The following IP6K1 variants were observed in gnomAD, a reference collection of about 807,000 sequenced individuals.
IP6K1 encodes the protein ATP:1D-myo-inositol-hexakisphosphate phosphotransferase.
In IP6K1, 13 loss-of-function variants were observed where a neutral mutation model predicts 38.3. The ratio of observed to expected loss-of-function variants is 0.34; its 90% CI spans 0.22 to 0.54. The LOEUF is 0.54. Ranked by LOEUF, IP6K1 falls within the 20% of genes least tolerant of loss-of-function variation. The pLI, the probability that IP6K1 is intolerant of heterozygous loss-of-function variation, is 0.92. For missense variants in IP6K1, 397 were observed against 599.8 expected (o/e 0.66, Z 3.53); for synonymous variants, 212 against 229.9 (o/e 0.92, Z 0.70).
intron 1 of IP6K1, among the ~76,000 whole-genome samples, chr3:49,766,129 T>C (rs551376145): frequency 8.6e-5 from 13 of 151,702 alleles, no homozygotes; most frequent in East Asian, 2.0e-4. Flanking sequence ...TGAGCCGAGA[T>C]TGCACCACTG....
At chr3:49,731,907 G>GAAAAAAAAAAAAAAAAAAAAA (rs1277207284) in intron 4 of IP6K1, among the ~76,000 whole-genome samples, 3 of 69,036 alleles carry the variant, frequency 4.3e-5, no homozygotes, top group Non-Finnish European at 6.3e-5. Context: ...AAAAAAAAAG[G>GAAAAAAAAAAAAAAAAAAAAA]AATTCCTATG....
chr3:49,776,415 G>C (rs1019726203), intron 1 of IP6K1, among the ~76,000 whole-genome samples: 1 of 151,952 alleles, frequency 6.6e-6, no homozygotes, highest in Admixed American at 6.6e-5. Flanking sequence ...TATTCGCGAG[G>C]CTGAGGCAGG....
chr3:49,739,669 ATTC>A (rs983779071), intron 2 of IP6K1, among the ~76,000 whole-genome samples: 1 of 151,594 alleles, frequency 6.6e-6, no homozygotes, highest in Admixed American at 6.6e-5. Flanking sequence ...TCTTTATAAT[ATTC>A]TTCTTCTTCT....
intron 1 of IP6K1, chr3:49,786,105 T>C (rs2081110698): frequency 6.6e-6 from 1 of 152,308 alleles, no homozygotes; most frequent in Admixed American, 6.5e-5. Context: ...TCAGAGAAGC[T>C]GGTTTCCCGC....
chr3:49,753,577 A>T (rs913172297), intron 1 of IP6K1, among the ~76,000 whole-genome samples: 1 of 152,234 alleles, frequency 6.6e-6, no homozygotes, highest in African/African-American at 2.4e-5. Context: ...CCTGGCATAT[A>T]GTAACTACAC....
At chr3:49,753,110 G>C (rs1234604486) in intron 1 of IP6K1, among the ~76,000 whole-genome samples, 1 of 152,056 alleles carries the variant, frequency 6.6e-6, no homozygotes, top group Non-Finnish European at 1.5e-5. Context: ...AAGTCCACAA[G>C]CTCTGCATTC....
chr3:49,770,915 G>T (rs559071305), intron 1 of IP6K1, among the ~76,000 whole-genome samples: 8 of 151,952 alleles, frequency 5.3e-5, no homozygotes, highest in Non-Finnish European at 1.2e-4. Context: ...TTCAGGATCA[G>T]CCTGGGCAAA....
intron 1 of IP6K1, among the ~76,000 whole-genome samples, chr3:49,779,105 C>G (rs2081043846): frequency 6.6e-6 from 1 of 152,176 alleles, no homozygotes; most frequent in Admixed American, 6.5e-5. Context: ...AGATTCCATA[C>G]TCTTAAGCTA....
At position 49,738,271 on chromosome 3, in the gene IP6K1, T is replaced by C; in HGVS notation, c.375A>G (p.Ser125=). 1 of 1,614,250 alleles carries C rather than the reference T, an allele frequency of 6.2e-7. No individual in the cohort carries two copies. Among genetic ancestry groups the C allele is most frequent in the Non-Finnish European group, 8.5e-7 (1 of 1,180,040 alleles). Residue 125 remains serine (S), a synonymous_variant, in exon 3 of 6, where the codon TCA becomes TCG. Coordinates refer to ENST00000321599, the MANE Select transcript of IP6K1 (RefSeq NM_153273.4). ...CCTCCTTGTGGTCACTGCCACTGCC[T>C]GACCGGTGCAGGCTCCGGCGGGAGT... ...RKHSRRSLHR[S]GSGSDHKEEK...
chr3:49,735,042 C>G (rs767690525), intron 3 of IP6K1, among the ~76,000 whole-genome samples: 2 of 152,102 alleles, frequency 1.3e-5, no homozygotes, highest in Non-Finnish European at 2.9e-5. Context: ...ACCTCTGTAC[C>G]TTTGGAGGAC....
intron 2 of IP6K1, among the ~76,000 whole-genome samples, chr3:49,744,602 A>G (rs1040448304): frequency 6.6e-6 from 1 of 152,070 alleles, no homozygotes; most frequent in Admixed American, 6.6e-5. Flanking sequence ...ATCTGTCACC[A>G]TAAGATGTTC....
In IP6K1 at chr3:49,727,559, G is replaced by A. The variant is rs771179597; in HGVS notation, c.889C>T (p.Leu297=). ...EGFRNALYQY[L]HNGLDLRRDL... ...CGTCGCAGGTCCAGGCCATTGTGCA[G>A]ATATTGATAGAGGGCATTGCGGAAG... The change falls in exon 6 of 6, where the codon CTG becomes TTG. Residue 297 remains leucine (L), a synonymous_variant. Transcript: ENST00000321599. This position sits in a 1 kb window ranked among gnomAD's most constrained non-coding sequence, Gnocchi z 5.9. The A allele has an allele frequency of 1.2e-6, 2 of 1,614,222 alleles. No homozygotes were observed. Among genetic ancestry groups the A allele is most frequent in the Non-Finnish European group, 1.7e-6 (2 of 1,180,036 alleles).
chr3:49,759,320 A>G (rs889067698), intron 1 of IP6K1, among the ~76,000 whole-genome samples: 6 of 152,214 alleles, frequency 3.9e-5, no homozygotes, highest in African/African-American at 1.2e-4. Flanking sequence ...AGATGTATTC[A>G]GCTGCAGTTA....
intron 2 of IP6K1, 75 bp downstream of exon 2, chr3:49,747,743 A>C (rs2080733774): frequency 1.3e-6 from 2 of 1,584,470 alleles, no homozygotes; most frequent in African/African-American, 1.4e-5. Flanking sequence ...CATGGCAAAC[A>C]AACCAAGAAA....
chr3:49,779,130 C>A (rs1272991339), intron 1 of IP6K1, among the ~76,000 whole-genome samples: 7 of 152,138 alleles, frequency 4.6e-5, no homozygotes, highest in Admixed American at 3.3e-4. Flanking sequence ...TTTCCCTATC[C>A]CCTACAACCA....
At chr3:49,764,634 T>G (rs1038829220) in intron 1 of IP6K1, among the ~76,000 whole-genome samples, 2 of 151,986 alleles carry the variant, frequency 1.3e-5, no homozygotes, top group Admixed American at 1.3e-4. Context: ...ATCCCAGCAC[T>G]TTGGGAGGCC....
At chr3:49,758,219 C>G (rs1226512370) in intron 1 of IP6K1, among the ~76,000 whole-genome samples, 1 of 143,912 alleles carries the variant, frequency 6.9e-6, no homozygotes, top group Non-Finnish European at 1.5e-5. Flanking sequence ...CAGGCTGAAG[C>G]AGGAGAATCG....
At chr3:49,744,088 C>T (rs948520855) in intron 2 of IP6K1, among the ~76,000 whole-genome samples, 3 of 151,840 alleles carry the variant, frequency 2.0e-5, no homozygotes, top group East Asian at 1.9e-4. Context: ...ATCATTCCTT[C>T]TATATTTATT....
At chr3:49,732,763 A>G in intron 4 of IP6K1, 28 bp downstream of exon 4, 1 of 1,588,944 alleles carries the variant, frequency 6.3e-7, no homozygotes, top group Non-Finnish European at 8.6e-7. Flanking sequence ...CCCAGTAGAC[A>G]CTCCTGAAGG....
Sources: gnomAD v4.1 joint callset for allele counts (sites outside exome capture counted in the v4.1 genomes callset) on GRCh38, gnomAD v4.1.1 for gene constraint, Gnocchi (gnomAD v3.1) non-coding constraint, MANE v1.5 for transcripts, NCBI Gene and HGNC (gene_info 2026-07-23, HGNC 2026-07-21) for gene names.